The following PIK3C2G variants were observed in gnomAD, a reference collection of about 807,000 sequenced individuals.
PIK3C2G encodes the protein phosphatidylinositol 3-kinase C2 domain-containing subunit gamma.
PIK3C2G carries 168 observed loss-of-function variants against 181.1 expected under a neutral mutation model. The observed-to-expected ratio is 0.93, with a 90% CI of 0.82 to 1.05. PIK3C2G has a LOEUF of 1.05. Among genes scored for constraint, PIK3C2G ranks in the 50% least tolerant of loss-of-function variants. The pLI is 0.00. For synonymous variants in PIK3C2G, 573 were observed against 592.2 expected (o/e 0.97, Z 0.47); for missense variants, 1,869 against 1,732.8 (o/e 1.08, Z -1.40).
intron 20 of PIK3C2G, among the ~76,000 whole-genome samples, chr12:18,494,800 A>AACAAGCAT (rs1321699257): frequency 6.6e-6 from 1 of 152,134 alleles, no homozygotes; most frequent in Admixed American, 6.5e-5. Flanking sequence ...TTCATTGCTT[A>AACAAGCAT]ACAAGCATCC....
At chr12:18,302,315 C>T (rs1950208695) in intron 5 of PIK3C2G, among the ~76,000 whole-genome samples, 1 of 152,112 alleles carries the variant, frequency 6.6e-6, no homozygotes, top group Non-Finnish European at 1.5e-5. Context: ...ACTCAGGCTC[C>T]CAGGAGGCTC....
chr12:18,536,574 G>A (rs971961688), intron 24 of PIK3C2G, among the ~76,000 whole-genome samples: 7 of 152,030 alleles, frequency 4.6e-5, no homozygotes, highest in African/African-American at 1.7e-4. Flanking sequence ...TCACAAATGT[G>A]CCACCCTCCC....
At position 18,372,939 on chromosome 12, in the gene PIK3C2G, G is replaced by A. The variant is rs142996111; in HGVS notation, c.1880+1628G>A. ...TAGGTGTTATTTTTTAAGGGGATGC[G>A]TCAAAATTGTAGACAATGAGACATC... On this transcript the variant is annotated intron_variant, in intron 13 of 32. Coordinates refer to ENST00000538779, the MANE Select transcript of PIK3C2G (RefSeq NM_001288772.2). 1.2e-3 allele frequency among the ~76,000 whole-genome samples: 187 copies of A among 152,130 alleles called. 1 individual carries two copies. Among genetic ancestry groups the A allele is most frequent in the South Asian group, 0.012 (57 of 4,820 alleles).
At chr12:18,537,927 A>G (rs1272279980) in intron 24 of PIK3C2G, among the ~76,000 whole-genome samples, 1 of 152,034 alleles carries the variant, frequency 6.6e-6, no homozygotes, top group Non-Finnish European at 1.5e-5. Flanking sequence ...TTCAGACAAT[A>G]TAGTTGACAT....
At chr12:18,546,267 T>G (rs1247807670) in intron 25 of PIK3C2G, 56 bp from the exon 26 acceptor site, 1 of 1,031,316 alleles carries the variant, frequency 9.7e-7, no homozygotes, top group Non-Finnish European at 1.5e-6. Context: ...TAAGCTTGAT[T>G]GTATCTGCAT....
At chr12:18,423,302 T>A in intron 17 of PIK3C2G, among the ~76,000 whole-genome samples, 1 of 152,092 alleles carries the variant, frequency 6.6e-6, no homozygotes. Context: ...TGATAGCAGC[T>A]CAGCTACAGA....
chr12:18,570,906 T>A lies in PIK3C2G; in HGVS notation c.4011+3849T>A, dbSNP rs370569664. 3.3e-5 allele frequency among the ~76,000 whole-genome samples: 5 copies of A among 150,900 alleles called. No homozygotes were observed. In the East Asian group the frequency reaches 9.7e-4, roughly 29 times the overall value. ...ATGACTAAGAGTTTCTTCTAGTATTTGAAAGTGCAACTTATATTCAAAATA... is the reference window on the plus strand; with the variant it reads ...ATGACTAAGAGTTTCTTCTAGTATTAGAAAGTGCAACTTATATTCAAAATA... On this transcript the variant is annotated intron_variant, in intron 29 of 32. Coordinates refer to ENST00000538779, the MANE Select transcript of PIK3C2G (RefSeq NM_001288772.2).
intron 18 of PIK3C2G, among the ~76,000 whole-genome samples, chr12:18,465,157 A>G (rs1391292636): frequency 6.6e-6 from 1 of 151,914 alleles, no homozygotes; most frequent in Non-Finnish European, 1.5e-5. Context: ...ACCTCAGTCA[A>G]AAAACATACA....
chr12:18,484,498 A>G (rs1216079741), intron 18 of PIK3C2G, among the ~76,000 whole-genome samples: 2 of 152,194 alleles, frequency 1.3e-5, no homozygotes, highest in Non-Finnish European at 2.9e-5. Flanking sequence ...TTGAGTTGTT[A>G]CGAAGTAATT....
intron 29 of PIK3C2G, among the ~76,000 whole-genome samples, chr12:18,577,900 G>T (rs1946312366): frequency 6.6e-6 from 1 of 152,170 alleles, no homozygotes; most frequent in Admixed American, 6.6e-5. Context: ...ACAGTGAGGA[G>T]CCTCGGCGTA....
chr12:18,346,848 T>C lies in PIK3C2G; in HGVS notation c.1625+12T>C, dbSNP rs780283478. On this transcript the variant is annotated intron_variant, in intron 11 of 32. Coordinates refer to ENST00000538779, the MANE Select transcript of PIK3C2G (RefSeq NM_001288772.2). The stretch of plus-strand genomic sequence containing the variant: ...ACCTGGGTGCACAGGTGAGTGGTGG[T>C]GAGTTTTTCACAAAAGCATTCATTT... 2 of 1,571,114 alleles carry C rather than the reference T, an allele frequency of 1.3e-6. No individual in the cohort carries two copies. Among genetic ancestry groups the C allele is most frequent in the East Asian group, 2.3e-5 (1 of 43,876 alleles).
intron 29 of PIK3C2G, among the ~76,000 whole-genome samples, chr12:18,569,549 G>A (rs1008940528): frequency 2.6e-5 from 4 of 152,094 alleles, no homozygotes; most frequent in African/African-American, 9.7e-5. Context: ...CTTTTGGAAT[G>A]TTTCCAGTTT....
At chr12:18,270,853 A>C (rs1228224193) in intron 1 of PIK3C2G, among the ~76,000 whole-genome samples, 1 of 152,184 alleles carries the variant, frequency 6.6e-6, no homozygotes, top group Non-Finnish European at 1.5e-5. Context: ...AATTTTACGA[A>C]CTACATCTGA....
intron 31 of PIK3C2G, among the ~76,000 whole-genome samples, chr12:18,633,520 C>T (rs148767554): frequency 2.6e-5 from 4 of 152,304 alleles, no homozygotes; most frequent in South Asian, 2.1e-4. Flanking sequence ...ACCTTCAAGA[C>T]GGGTCTGGGC....
intron 18 of PIK3C2G, among the ~76,000 whole-genome samples, chr12:18,479,801 T>C (rs931974962): frequency 3.9e-5 from 6 of 152,164 alleles, no homozygotes; most frequent in African/African-American, 7.2e-5. Context: ...CCCTGAGTTG[T>C]TGTCCAGAAA....
chr12:18,620,527 C>CAGACAGATAGATAGAT (rs538068604), intron 31 of PIK3C2G, among the ~76,000 whole-genome samples: 6 of 148,066 alleles, frequency 4.1e-5, no homozygotes, highest in South Asian at 2.2e-4. Flanking sequence ...ATTAGACAGA[C>CAGACAGATAGATAGAT]AGATAGATAG....
At chr12:18,494,950 T>C (rs965648696) in intron 20 of PIK3C2G, among the ~76,000 whole-genome samples, 1 of 152,018 alleles carries the variant, frequency 6.6e-6, no homozygotes, top group African/African-American at 2.4e-5. Context: ...ACTGAATCAA[T>C]TTGATTTTTC....
chr12:18,402,279 C>T (rs990176811), intron 16 of PIK3C2G, among the ~76,000 whole-genome samples: 1 of 152,100 alleles, frequency 6.6e-6, no homozygotes, highest in Non-Finnish European at 1.5e-5. Flanking sequence ...TTACAGAAGA[C>T]CACATATGGT....
At chr12:18,658,699 G>T in the PIK3C2G span, among the ~76,000 whole-genome samples, 1 of 152,002 alleles carries the variant, frequency 6.6e-6, no homozygotes, top group South Asian at 2.1e-4. Flanking sequence ...TAAGTATTTG[G>T]AATAGATGGC....
Sources: gnomAD v4.1 joint callset for allele counts (sites outside exome capture counted in the v4.1 genomes callset) on GRCh38, gnomAD v4.1.1 for gene constraint, MANE v1.5 for transcripts, NCBI Gene and HGNC (gene_info 2026-07-23, HGNC 2026-07-21) for gene names.